The following NAV2 variants were observed in gnomAD, a reference collection of about 807,000 sequenced individuals.
The protein encoded by NAV2 is helicase, APC down-regulated 1.
In NAV2, 54 loss-of-function variants were observed where a neutral mutation model predicts 223.2. The observed-to-expected ratio is 0.24, with a 90% CI of 0.19 to 0.30. NAV2 has a LOEUF of 0.30. Among genes scored for constraint, NAV2 ranks in the 10% least tolerant of loss-of-function variants. The probability of loss-of-function intolerance (pLI) is 1.00; values close to 1 mark genes in which losing one functional copy is unlikely to be tolerated. For synonymous variants in NAV2, 1,279 were observed against 1,239.3 expected (o/e 1.03, Z -0.67); for missense variants, 2,806 against 3,147.5 (o/e 0.89, Z 2.60).
At position 20,009,355 on chromosome 11, in the gene NAV2, A is replaced by T. The variant is rs543592973; in HGVS notation, c.2768+25108A>T. On this transcript the variant is annotated intron_variant, in intron 11 of 37. Coordinates refer to ENST00000349880, the MANE Select transcript of NAV2 (RefSeq NM_145117.5). ...CCTGTATAAAATTTGAGATTTGATTATCCAAAATGAAGTGCATGAAGGCAG... is the reference window on the plus strand; with the variant it reads ...CCTGTATAAAATTTGAGATTTGATTTTCCAAAATGAAGTGCATGAAGGCAG... 3.9e-5 allele frequency among the ~76,000 whole-genome samples: 6 copies of T among 152,312 alleles called. No homozygotes were observed. In the South Asian group the frequency reaches 1.2e-3, roughly 32 times the overall value.
At position 19,459,695 on chromosome 11, in the gene NAV2, G is replaced by C. The variant is rs144449667; in HGVS notation, c.75+108668G>C. 1.1e-4 allele frequency among the ~76,000 whole-genome samples: 17 copies of C among 152,332 alleles called. No individual in the cohort carries two copies. The East Asian group carries it at 2.9e-3, about 26-fold the overall frequency. On this transcript the variant is annotated intron_variant, in intron 1 of 37. Coordinates refer to the NAV2 transcript ENST00000360655. ...ATGATGGTTGTGTGGAGGTGAGTTT[G>C]AGACAGAGGATATAGGGGGTGTCTA...
In NAV2 at chr11:20,048,755, A is replaced by C. The variant is rs1416130878; in HGVS notation, c.3930A>C (p.Gln1310His). 6.2e-7 allele frequency: 1 copy of C among 1,614,078 alleles called. No individual in the cohort carries two copies. Among genetic ancestry groups the C allele is most frequent in the African/African-American group, 1.3e-5 (1 of 75,008 alleles). Residue 1310 changes from glutamine (Q) to histidine (H), a missense_variant, in exon 15 of 38, where the codon CAA becomes CAC. Gln to His is a conservative substitution (Grantham distance 24, BLOSUM62 0). This residue lies in a region of NAV2 where 742 missense variants were observed against 777.9 expected (regional missense o/e 0.95). Transcript: ENST00000349880. ...RRLFGGKPTK[Q>H]VPIATAENMK... The stretch of plus-strand genomic sequence containing the variant: ...TCTTTGGTGGGAAGCCTACCAAGCA[A>C]GTGCCCATCGCCACAGCTGAAAACA...
At chr11:19,420,842 A>G (rs955438425) in intron 1 of NAV2, among the ~76,000 whole-genome samples, 3 of 152,152 alleles carry the variant, frequency 2.0e-5, no homozygotes, top group Admixed American at 6.5e-5. Flanking sequence ...AAATTCATTG[A>G]GCTGTACACT....
chr11:20,092,493 T>C (rs2060921106), intron 28 of NAV2, 125 bp downstream of exon 28: 2 of 972,578 alleles, frequency 2.1e-6, no homozygotes, highest in South Asian at 1.6e-5. Context: ...TGTGTGCACT[T>C]GGGGTGTGTA....
intron 1 of NAV2, among the ~76,000 whole-genome samples, chr11:19,777,132 G>A (rs2056309820): frequency 7.1e-6 from 1 of 141,398 alleles, no homozygotes; most frequent in African/African-American, 2.5e-5. Flanking sequence ...CGCGGCCCCA[G>A]CGGCCTCCGC....
intron 1 of NAV2, among the ~76,000 whole-genome samples, chr11:19,812,289 G>T (rs1347840835): frequency 6.6e-6 from 1 of 151,956 alleles, no homozygotes; most frequent in Admixed American, 6.6e-5. Flanking sequence ...CTTCTTATCA[G>T]TTGGGTCTCT....
intron 1 of NAV2, among the ~76,000 whole-genome samples, chr11:19,534,967 TG>T: frequency 6.6e-6 from 1 of 152,212 alleles, no homozygotes; most frequent in East Asian, 1.9e-4. Context: ...ATATTTCCAT[TG>T]TAGGGCTGTT....
intron 1 of NAV2, among the ~76,000 whole-genome samples, chr11:19,533,729 C>T (rs1322871007): frequency 3.6e-5 from 4 of 112,348 alleles, no homozygotes; most frequent in Non-Finnish European, 6.3e-5. Context: ...TTTTTTGAGA[C>T]GGAGTCTCGC....
chr11:19,629,805 C>T (rs2047293779), intron 1 of NAV2, among the ~76,000 whole-genome samples: 1 of 152,154 alleles, frequency 6.6e-6, no homozygotes, highest in African/African-American at 2.4e-5. Context: ...CTGCACTTTC[C>T]CGCCTCTCAA....
intron 11 of NAV2, among the ~76,000 whole-genome samples, chr11:20,033,072 C>G (rs1308093955): frequency 6.6e-6 from 1 of 152,228 alleles, no homozygotes; most frequent in African/African-American, 2.4e-5. Flanking sequence ...CAGCATGACA[C>G]AGACTAGAAG....
At chr11:19,823,163 G>GC (rs1023981861) in intron 1 of NAV2, among the ~76,000 whole-genome samples, 49 of 152,248 alleles carry the variant, frequency 3.2e-4, no homozygotes, top group Non-Finnish European at 5.1e-4. Context: ...TCCTGCCTCA[G>GC]CCTCTTGAGT....
At chr11:20,102,197 C>G (rs1272672604) in intron 32 of NAV2, among the ~76,000 whole-genome samples, 1 of 151,990 alleles carries the variant, frequency 6.6e-6, no homozygotes, top group African/African-American at 2.4e-5. Flanking sequence ...TGCCTGGGGC[C>G]CAGAGATCAC....
intron 1 of NAV2, among the ~76,000 whole-genome samples, chr11:19,615,093 C>T (rs931376648): frequency 6.6e-6 from 1 of 152,022 alleles, no homozygotes; most frequent in Non-Finnish European, 1.5e-5. Flanking sequence ...TACCTATTGC[C>T]TGAGAGTCTG....
At chr11:19,725,881 G>A (rs2051192074) in intron 1 of NAV2, among the ~76,000 whole-genome samples, 1 of 152,168 alleles carries the variant, frequency 6.6e-6, no homozygotes, top group African/African-American at 2.4e-5. Flanking sequence ...ACCAACTCTC[G>A]CTACATTCCA....
chr11:19,738,890 G>A (rs901466147), intron 1 of NAV2, among the ~76,000 whole-genome samples: 11 of 152,138 alleles, frequency 7.2e-5, no homozygotes, highest in Admixed American at 2.6e-4. Context: ...CCTGGTTCAC[G>A]TATTGGTACC....
At chr11:19,809,019 G>T (rs893199486) in intron 1 of NAV2, among the ~76,000 whole-genome samples, 1 of 152,150 alleles carries the variant, frequency 6.6e-6, no homozygotes, top group African/African-American at 2.4e-5. Flanking sequence ...TAGAGCTCAG[G>T]GTTGTTAACT....
intron 1 of NAV2, chr11:19,503,322 A>G (rs2043016962): frequency 6.6e-6 from 1 of 152,196 alleles, no homozygotes; most frequent in Non-Finnish European, 1.5e-5. Flanking sequence ...CAAAGTCCAT[A>G]GTTTACATTA....
intron 5 of NAV2, 121 bp downstream of exon 5, chr11:19,880,248 G>C: frequency 1.5e-6 from 2 of 1,347,432 alleles, no homozygotes; most frequent in Middle Eastern, 2.7e-4. Context: ...AGAGCTACTG[G>C]TGGTTAGTGG....
At chr11:19,819,636 G>A (rs895611888) in intron 1 of NAV2, among the ~76,000 whole-genome samples, 10 of 152,190 alleles carry the variant, frequency 6.6e-5, no homozygotes, top group African/African-American at 1.2e-4. Context: ...GCACTTGAAG[G>A]CATTTTTTAG....
Sources: allele counts gnomAD v4.1 joint callset (sites outside exome capture counted in the v4.1 genomes callset), GRCh38; gene constraint gnomAD v4.1.1; regional missense constraint gnomAD v4.1.1; transcripts MANE v1.5; gene names NCBI Gene and HGNC (gene_info 2026-07-23, HGNC 2026-07-21).